Variants in REPS1 observed in about 807,000 individuals in gnomAD.
The protein encoded by REPS1 is ralBP1-associated Eps domain-containing protein 1.
A neutral mutation model predicts 100.9 loss-of-function variants in REPS1; 39 were observed. The ratio of observed to expected loss-of-function variants is 0.39; its 90% confidence interval spans 0.30 to 0.50. REPS1 has a LOEUF of 0.50. REPS1 is among the 20% of genes least tolerant of loss of function. The pLI, the probability that REPS1 is intolerant of heterozygous loss-of-function variation, is 0.86. For missense variants in REPS1, 821 were observed against 968.5 expected (o/e 0.85, Z 2.02); for synonymous variants, 324 against 340.3 (o/e 0.95, Z 0.53).
chr6:138,952,261 T>G (rs1031698933), intron 1 of REPS1, among the ~76,000 whole-genome samples: 5 of 152,136 alleles, frequency 3.3e-5, no homozygotes, highest in African/African-American at 1.2e-4. Context: ...GAAGTCAAAT[T>G]GTCCCTGTTT....
At chr6:138,937,253 GAC>G (rs1373644374) in intron 8 of REPS1, among the ~76,000 whole-genome samples, 1 of 152,044 alleles carries the variant, frequency 6.6e-6, no homozygotes, top group Non-Finnish European at 1.5e-5. Context: ...TTTGGGTGGG[GAC>G]ACAGCCAAAC....
intron 1 of REPS1, among the ~76,000 whole-genome samples, chr6:138,964,201 T>C (rs1783891285): frequency 6.6e-6 from 1 of 152,050 alleles, no homozygotes; most frequent in Admixed American, 6.6e-5. Flanking sequence ...TAAACAGACA[T>C]TCTCTTGTTT....
In REPS1 at chr6:138,970,762, G is replaced by A. The variant is rs573129691; in HGVS notation, c.153+16768C>T. Among the ~76,000 whole-genome samples the A allele has an allele frequency of 2.0e-5, 3 of 152,310 alleles. No homozygotes were observed. In the East Asian group the frequency reaches 5.8e-4, roughly 29 times the overall value. Reference sequence around the variant, plus strand: ...CGTGCCATTGCACTCCAGCTTGGGTGACAGAGCAAGACCCTGTCTCAGAAG... The same window carrying A: ...CGTGCCATTGCACTCCAGCTTGGGTAACAGAGCAAGACCCTGTCTCAGAAG... On this transcript the variant is annotated intron_variant, in intron 1 of 19. Coordinates refer to ENST00000450536, the MANE Select transcript of REPS1 (RefSeq NM_001286611.2).
chr6:138,904,306 T>A lies in REPS1; in HGVS notation c.*758A>T, dbSNP rs1272140148. 6.6e-6 allele frequency: 1 copy of A among 152,158 alleles called. No individual in the cohort carries two copies. The highest frequency in any genetic ancestry group is 1.9e-4 in the East Asian group (1 of 5,196). The allele number at this position is 152,158 out of a possible 1,614,324, so 9.4% of individuals were successfully genotyped here. On this transcript the variant is annotated 3_prime_UTR_variant, in exon 20 of 20. Coordinates refer to ENST00000450536, the MANE Select transcript of REPS1 (RefSeq NM_001286611.2). ...GGTAAACTAGAAATCCTAAGGAATT[T>A]CCCTTTATTCTGGGAATAACTGATA...
At chr6:138,946,345 T>C (rs942331773) in intron 2 of REPS1, among the ~76,000 whole-genome samples, 2 of 152,208 alleles carry the variant, frequency 1.3e-5, no homozygotes, top group Admixed American at 6.5e-5. Context: ...CATTCAATTT[T>C]AAATAGAGGA....
chr6:138,980,374 A>G (rs984217912), intron 1 of REPS1, among the ~76,000 whole-genome samples: 1 of 152,204 alleles, frequency 6.6e-6, no homozygotes, highest in Non-Finnish European at 1.5e-5. Flanking sequence ...AACTTTTAGT[A>G]TATTTCCACT....
At chr6:138,949,144 T>C (rs1164213133) in intron 1 of REPS1, among the ~76,000 whole-genome samples, 3 of 152,210 alleles carry the variant, frequency 2.0e-5, no homozygotes, top group Non-Finnish European at 4.4e-5. Context: ...TCTTAAATAC[T>C]TTTGTTTATA....
chr6:138,918,990 C>T (rs1418475009), intron 12 of REPS1, among the ~76,000 whole-genome samples: 2 of 152,150 alleles, frequency 1.3e-5, no homozygotes, highest in Non-Finnish European at 2.9e-5. Context: ...TTGTAAATCA[C>T]AGAATCATCT....
At chr6:138,973,538 A>G (rs1430266852) in intron 1 of REPS1, among the ~76,000 whole-genome samples, 1 of 132,524 alleles carries the variant, frequency 7.5e-6, no homozygotes, top group East Asian at 2.0e-4. Flanking sequence ...TCTGAATAAG[A>G]AAACATTTTT....
intron 8 of REPS1, 130 bp downstream of exon 8, chr6:138,941,205 A>T: frequency 1.0e-6 from 1 of 991,764 alleles, no homozygotes; most frequent in East Asian, 2.4e-5. Context: ...TCTGATGACA[A>T]ATCTATGTAC....
intron 11 of REPS1, 85 bp downstream of exon 11, chr6:138,920,952 T>C (rs1780715483): frequency 1.1e-6 from 1 of 935,498 alleles, no homozygotes; most frequent in Non-Finnish European, 1.7e-6. Context: ...AAATAAGCGA[T>C]GAAAGAAATT....
At chr6:138,947,720 T>G in intron 2 of REPS1, 70 bp downstream of exon 2, 1 of 1,304,698 alleles carries the variant, frequency 7.7e-7, no homozygotes, top group Non-Finnish European at 1.0e-6. Flanking sequence ...GACACAAGAG[T>G]TCTATTGACT....
chr6:138,905,162 T>C, intron 19 of REPS1, 30 bp from the exon 20 acceptor site: 1 of 1,368,040 alleles, frequency 7.3e-7, no homozygotes, highest in South Asian at 1.2e-5. Flanking sequence ...CAAGTTATGT[T>C]TCAAAGTATA....
intron 14 of REPS1, among the ~76,000 whole-genome samples, 161 bp downstream of exon 14, chr6:138,915,697 C>A (rs895561434): frequency 2.0e-5 from 3 of 152,078 alleles, no homozygotes; most frequent in African/African-American, 7.2e-5. Context: ...AAGTGATCTG[C>A]CTGCCCCTCA....
intron 10 of REPS1, 56 bp downstream of exon 10, chr6:138,926,345 G>T: frequency 7.9e-7 from 1 of 1,265,644 alleles, no homozygotes; most frequent in Non-Finnish European, 1.1e-6. Context: ...GATAATGAAT[G>T]GAAATTTGGG....
intron 1 of REPS1, among the ~76,000 whole-genome samples, chr6:138,953,010 TA>T (rs1783138519): frequency 6.6e-6 from 1 of 151,866 alleles, no homozygotes; most frequent in Admixed American, 6.6e-5. Context: ...GCAAATTTTG[TA>T]TTTTTAGTAG....
At chr6:138,908,600 TG>T (rs1779811211) in intron 18 of REPS1, 67 bp downstream of exon 18, 1 of 1,566,834 alleles carries the variant, frequency 6.4e-7, no homozygotes. Flanking sequence ...TGGGCCAGTT[TG>T]ATTACTTTTA....
Position 138,947,091 on chromosome 6 carries a change from G to C in REPS1, c.277+699C>G, listed in dbSNP as rs111937304. Among the ~76,000 whole-genome samples, 308 of 144,696 alleles carry C rather than the reference G, an allele frequency of 2.1e-3. 1 individual carries two copies. Among genetic ancestry groups the C allele is most frequent in the African/African-American group, 7.6e-3 (284 of 37,440 alleles). The allele number at this position is 144,696 out of a possible 152,430, so 94.9% of individuals were successfully genotyped here. A position where few individuals can be genotyped will look rare whatever the true frequency, so the allele number is the denominator to read the frequency against. ...CTCTCTCTCTCCTGTGGCCACATAA[G>C]ATGTGCCTTGCTTTCCATTTACGTT... On this transcript the variant is annotated intron_variant, in intron 2 of 19. Coordinates refer to ENST00000450536, the MANE Select transcript of REPS1 (RefSeq NM_001286611.2).
intron 2 of REPS1, among the ~76,000 whole-genome samples, 200 bp downstream of exon 2, chr6:138,947,590 C>T (rs1782725047): frequency 6.6e-6 from 1 of 152,124 alleles, no homozygotes; most frequent in South Asian, 2.1e-4. Flanking sequence ...AGTACATATA[C>T]TATGCCGTAA....
Sources: allele counts gnomAD v4.1 joint callset (sites outside exome capture counted in the v4.1 genomes callset), GRCh38; gene constraint gnomAD v4.1.1; transcripts MANE v1.5; gene names NCBI Gene and HGNC (gene_info 2026-07-23, HGNC 2026-07-21).